The following ROBO2 variants were observed in gnomAD, a reference collection of about 807,000 sequenced individuals.
ROBO2 encodes the protein roundabout homolog 2.
Under a neutral mutation model 160.8 loss-of-function variants are expected in ROBO2, and 53 were observed. The observed-to-expected ratio is 0.33, with a 90% confidence interval of 0.26 to 0.41. The LOEUF (loss-of-function observed/expected upper bound fraction) is 0.41, where lower values mean the gene tolerates loss of function less well. ROBO2 is among the 10% of genes least tolerant of loss of function. ROBO2 has a pLI of 1.00. For synonymous variants in ROBO2, 664 were observed against 611.7 expected, an observed-to-expected ratio of 1.09 and a Z score of -1.26; for missense variants, 1,577 against 1,722.4, an observed-to-expected ratio of 0.92 and a Z score of 1.49.
chr3:76,567,153 A>G (rs548091067), intron 2 of ROBO2, among the ~76,000 whole-genome samples: 2 of 152,184 alleles, frequency 1.3e-5, no homozygotes, highest in African/African-American at 4.8e-5. Flanking sequence ...GATAAGGAAA[A>G]GGCAAAAGTC....
intron 2 of ROBO2, among the ~76,000 whole-genome samples, chr3:76,650,808 G>A (rs969033974): frequency 6.6e-6 from 1 of 152,116 alleles, no homozygotes; most frequent in Non-Finnish European, 1.5e-5. Context: ...GTAGGAAATA[G>A]CATAGCAGGA....
chr3:75,952,163 A>G (rs1237301587), intron 2 of ROBO2, among the ~76,000 whole-genome samples: 1 of 151,950 alleles, frequency 6.6e-6, no homozygotes, highest in African/African-American at 2.4e-5. Flanking sequence ...CTGTCATGAC[A>G]TTGAGTTTTG....
At chr3:76,837,988 A>G (rs185606928) in intron 2 of ROBO2, among the ~76,000 whole-genome samples, 1 of 152,134 alleles carries the variant, frequency 6.6e-6, no homozygotes, top group Non-Finnish European at 1.5e-5. Flanking sequence ...TAAAGAGGCA[A>G]TACTCTTTCA....
In ROBO2 at chr3:76,235,412, C is replaced by A. The variant is rs562571555; in HGVS notation, c.109+297810C>A. Among the ~76,000 whole-genome samples the A allele has an allele frequency of 1.1e-4, 16 of 152,298 alleles. No individual in the cohort carries two copies. The South Asian group carries it at 3.3e-3, about 32-fold the overall frequency. On this transcript the variant is annotated intron_variant, in intron 2 of 26. Coordinates refer to the ROBO2 transcript ENST00000487694. ...AAAGCTAGAAAAGGCAAGGAAGCCA[C>A]CTTCCCTAAAGCCTTTGGAGGGAGT...
chr3:76,447,480 G>A (rs2109218145), intron 2 of ROBO2, among the ~76,000 whole-genome samples: 1 of 148,538 alleles, frequency 6.7e-6, no homozygotes, highest in South Asian at 2.2e-4. Flanking sequence ...GGAAGTCAGT[G>A]TGGCGATTCC....
intron 2 of ROBO2, among the ~76,000 whole-genome samples, chr3:76,531,951 CTCTGCCCA>C (rs1335077378): frequency 6.6e-6 from 1 of 152,138 alleles, no homozygotes; most frequent in East Asian, 1.9e-4. Flanking sequence ...CAAAGAAGTA[CTCTGCCCA>C]ATGTGACATG....
At chr3:77,131,226 T>C (rs2150352986) in intron 2 of ROBO2, among the ~76,000 whole-genome samples, 1 of 152,264 alleles carries the variant, frequency 6.6e-6, no homozygotes, top group South Asian at 2.1e-4. Context: ...CACAAACCTT[T>C]CCCTCTGAGA....
intron 2 of ROBO2, among the ~76,000 whole-genome samples, chr3:76,970,033 C>A (rs1276201857): frequency 1.3e-5 from 2 of 152,076 alleles, no homozygotes; most frequent in African/African-American, 4.8e-5. Context: ...AAAGTGTGAG[C>A]CTGGAAGAAA....
chr3:77,406,968 A>G (rs1218444544), intron 2 of ROBO2, among the ~76,000 whole-genome samples: 1 of 152,108 alleles, frequency 6.6e-6, no homozygotes, highest in Non-Finnish European at 1.5e-5. Context: ...AGACAGGAGA[A>G]ATGTTTAACG....
intron 2 of ROBO2, among the ~76,000 whole-genome samples, chr3:76,474,876 A>T (rs1339910765): frequency 6.6e-6 from 1 of 152,066 alleles, no homozygotes; most frequent in African/African-American, 2.4e-5. Flanking sequence ...CCTCTGCTCC[A>T]TGCTGCTCTC....
chr3:77,567,066 T>G (rs551358239), intron 12 of ROBO2, among the ~76,000 whole-genome samples: 1 of 151,906 alleles, frequency 6.6e-6, no homozygotes, highest in Non-Finnish European at 1.5e-5. Context: ...AAAACTTCAT[T>G]TTACTGTTTA....
chr3:77,504,927 A>G (rs897049484), intron 5 of ROBO2, among the ~76,000 whole-genome samples: 1 of 152,230 alleles, frequency 6.6e-6, no homozygotes, highest in Non-Finnish European at 1.5e-5. Context: ...TTGAATTTTC[A>G]TAAGTGGAAT....
In ROBO2 at chr3:77,134,641, A is replaced by T. The variant is rs887072537; in HGVS notation, c.388+36301A>T. Among the ~76,000 whole-genome samples the T allele has an allele frequency of 5.9e-5, 9 of 152,312 alleles. No individual in the cohort carries two copies. The South Asian group carries it at 1.0e-3, about 18-fold the overall frequency. The stretch of plus-strand genomic sequence containing the variant: ...TGAATGTTCACATCTTTACCTGTCA[A>T]CACTTCTGAAACCCTTTCAGCACCT... On this transcript the variant is annotated intron_variant, in intron 2 of 25. Transcript: ENST00000461745.
chr3:76,201,889 CAAAAAAAAAA>C (rs3039047), intron 2 of ROBO2, among the ~76,000 whole-genome samples: 3 of 105,582 alleles, frequency 2.8e-5, no homozygotes, highest in Admixed American at 9.9e-5. Context: ...CGAGAAATGT[CAAAAAAAAAA>C]AAAAAAAAAA....
chr3:77,026,765 T>C (rs1195730145), intron 2 of ROBO2, among the ~76,000 whole-genome samples: 1 of 152,196 alleles, frequency 6.6e-6, no homozygotes, highest in Non-Finnish European at 1.5e-5. Context: ...GATATTCATA[T>C]CATATCCTGG....
chr3:76,454,478 A>G (rs536843761), intron 2 of ROBO2, among the ~76,000 whole-genome samples: 6 of 152,270 alleles, frequency 3.9e-5, no homozygotes, highest in African/African-American at 1.4e-4. Context: ...TGTGAGATTA[A>G]AAGGTGGTTG....
intron 2 of ROBO2, among the ~76,000 whole-genome samples, chr3:76,918,965 CT>C (rs80159352): frequency 0.52 from 76,060 of 147,068 alleles, 20,530 homozygotes; most frequent in African/African-American, 0.71. Context: ...ACATGTATGT[CT>C]TTTTTTTTTT....
chr3:77,441,331 ATAT>A lies in ROBO2; in HGVS notation c.389-36078_389-36076del, dbSNP rs1000909748. Among the ~76,000 whole-genome samples, 15 of 151,836 alleles carry A rather than the reference ATAT, an allele frequency of 9.9e-5. No individual in the cohort carries two copies. The East Asian group carries it at 1.9e-3, about 20-fold the overall frequency. ...TGATACTAGATCAGGGTGGGTTGAAATATTATTGTTTCATTTAAAATGTAAGTG... is the reference window on the plus strand; with the variant it reads ...TGATACTAGATCAGGGTGGGTTGAAATATTGTTTCATTTAAAATGTAAGTG... On this transcript the variant is annotated intron_variant, in intron 2 of 25. Coordinates refer to ENST00000461745, the Ensembl canonical transcript of ROBO2.
chr3:76,632,350 C>T (rs1464544569), intron 2 of ROBO2, among the ~76,000 whole-genome samples: 1 of 152,150 alleles, frequency 6.6e-6, no homozygotes, highest in Non-Finnish European at 1.5e-5. Flanking sequence ...CACACCCTTG[C>T]TTGCTTCTGT....
Sources: gnomAD v4.1 joint callset for allele counts (sites outside exome capture counted in the v4.1 genomes callset) on GRCh38, gnomAD v4.1.1 for gene constraint, MANE v1.5 for transcripts, NCBI Gene and HGNC (gene_info 2026-07-23, HGNC 2026-07-21) for gene names.